TMEM178B: variants seen among roughly 807,000 people sequenced by gnomAD.
The protein encoded by TMEM178B is transmembrane protein 178B.
In TMEM178B, 5 loss-of-function variants were observed where a neutral mutation model predicts 31.0. The ratio of observed to expected loss-of-function variants is 0.16; its 90% CI spans 0.08 to 0.34. The LOEUF is 0.34. Ranked by LOEUF, TMEM178B falls within the 10% of genes least tolerant of loss-of-function variation. The pLI is 1.00. For synonymous variants in TMEM178B, 164 were observed against 164.0 expected, an observed-to-expected ratio of 1.00 and a Z score of 0.00; for missense variants, 275 against 400.3, an observed-to-expected ratio of 0.69 and a Z score of 2.67.
chr7:141,231,932 T>C (rs568559585), intron 2 of TMEM178B, among the ~76,000 whole-genome samples: 1 of 152,314 alleles, frequency 6.6e-6, no homozygotes, highest in South Asian at 2.1e-4. Context: ...ATCTATTAGC[T>C]ATTCTTCCTG....
At chr7:141,353,576 C>T (rs1227773350) in intron 2 of TMEM178B, among the ~76,000 whole-genome samples, 4 of 152,212 alleles carry the variant, frequency 2.6e-5, no homozygotes, top group Non-Finnish European at 1.5e-5. Flanking sequence ...TACTTAGAAG[C>T]TGTATATGAT....
intron 2 of TMEM178B, among the ~76,000 whole-genome samples, chr7:141,387,551 C>A (rs944020708): frequency 3.3e-5 from 5 of 152,178 alleles, no homozygotes. Context: ...ACAAATCCCC[C>A]CTCATTCCTG....
chr7:141,222,643 A>G (rs1354763334), intron 2 of TMEM178B, among the ~76,000 whole-genome samples: 1 of 152,064 alleles, frequency 6.6e-6, no homozygotes, highest in Non-Finnish European at 1.5e-5. Context: ...CTGAAATGAC[A>G]TTTCATCAAC....
intron 2 of TMEM178B, among the ~76,000 whole-genome samples, chr7:141,402,469 T>C (rs1224136281): frequency 6.6e-6 from 1 of 152,214 alleles, no homozygotes; most frequent in Non-Finnish European, 1.5e-5. Flanking sequence ...TGCATCTTGG[T>C]AGAGCTCAAG....
At chr7:141,109,136 A>C (rs1795194414) in intron 1 of TMEM178B, among the ~76,000 whole-genome samples, 2 of 152,208 alleles carry the variant, frequency 1.3e-5, no homozygotes, top group Admixed American at 6.5e-5. Flanking sequence ...ATGGGAGTAC[A>C]ACTCAAGATG....
At chr7:141,350,384 C>G (rs1227986481) in intron 2 of TMEM178B, among the ~76,000 whole-genome samples, 3 of 152,106 alleles carry the variant, frequency 2.0e-5, no homozygotes, top group Non-Finnish European at 4.4e-5. Context: ...TATCTTCCCC[C>G]ACTAGAATGT....
At position 141,338,493 on chromosome 7, in the gene TMEM178B, G is replaced by A. The variant is rs139133552; in HGVS notation, c.497-99115G>A. The stretch of plus-strand genomic sequence containing the variant: ...GAATGAAAACGCCTGGAACCCTAGA[G>A]TGCCTGCCCTCTATTTGATATTGGA... On this transcript the variant is annotated intron_variant, in intron 2 of 3. Transcript: ENST00000565468. 3.9e-5 allele frequency among the ~76,000 whole-genome samples: 6 copies of A among 152,282 alleles called. No homozygotes were observed. In the East Asian group the frequency reaches 1.2e-3, roughly 29 times the overall value.
chr7:141,235,153 G>A (rs1004801304), intron 2 of TMEM178B, among the ~76,000 whole-genome samples: 1 of 152,168 alleles, frequency 6.6e-6, no homozygotes, highest in Non-Finnish European at 1.5e-5. Flanking sequence ...ATCTTCATTT[G>A]TGACTGATTT....
chr7:141,076,226 C>CCTCTTGTTT (rs1794598651), intron 1 of TMEM178B, among the ~76,000 whole-genome samples: 1 of 152,172 alleles, frequency 6.6e-6, no homozygotes, highest in South Asian at 2.1e-4. Flanking sequence ...GGCAGGAAAA[C>CCTCTTGTTT]AAGAGGGCCT....
intron 3 of TMEM178B, among the ~76,000 whole-genome samples, chr7:141,447,905 G>A (rs796766309): frequency 2.6e-5 from 4 of 152,234 alleles, no homozygotes; most frequent in African/African-American, 9.6e-5. Context: ...GTGGGCGACT[G>A]CATAGATCAC....
chr7:141,493,529 T>G, the TMEM178B span, among the ~76,000 whole-genome samples: 1 of 151,980 alleles, frequency 6.6e-6, no homozygotes, highest in African/African-American at 2.4e-5. Context: ...GGAGCCCACC[T>G]GCGGCTGCAG....
intron 1 of TMEM178B, among the ~76,000 whole-genome samples, chr7:141,173,473 G>A (rs1219818367): frequency 6.6e-6 from 1 of 152,174 alleles, no homozygotes; most frequent in Non-Finnish European, 1.5e-5. Context: ...TGAGGCGGGA[G>A]TATTTGAGTC....
Position 141,074,280 on chromosome 7 carries a change from C to A in TMEM178B, c.-31C>A. On this transcript the variant is annotated 5_prime_UTR_variant, in exon 1 of 4. Transcript: ENST00000565468. The surrounding 1 kb of genome is among the most constrained non-coding windows in gnomAD (Gnocchi z 5.1). ...GAGGGAAGGCGAGGCTGCGGCGGAT[C>A]ATGCCCATGGTGTAGCCGCCAAGCG... is the stretch of plus-strand genomic sequence containing the variant. 1 of 1,479,572 alleles carries A rather than the reference C, an allele frequency of 6.8e-7. No individual in the cohort carries two copies. The highest frequency in any genetic ancestry group is 1.3e-5 in the South Asian group (1 of 76,340). 91.7% of individuals were successfully genotyped at this position (1,479,572 alleles called of 1,614,324 possible). A position where few individuals can be genotyped will look rare whatever the true frequency, so the allele number is the denominator to read the frequency against.
intron 3 of TMEM178B, among the ~76,000 whole-genome samples, chr7:141,464,428 G>A (rs1054232819): frequency 1.3e-5 from 2 of 152,122 alleles, no homozygotes; most frequent in Non-Finnish European, 2.9e-5. Context: ...ATTCAGGGCT[G>A]ATAACAAACT....
intron 2 of TMEM178B, among the ~76,000 whole-genome samples, chr7:141,274,490 AC>A (rs1798235085): frequency 6.6e-6 from 1 of 152,132 alleles, no homozygotes. Context: ...TTGATTGTAT[AC>A]CTGGGCCTGG....
At chr7:141,125,446 G>C (rs1795475804) in intron 1 of TMEM178B, among the ~76,000 whole-genome samples, 1 of 152,102 alleles carries the variant, frequency 6.6e-6, no homozygotes, top group African/African-American at 2.4e-5. Flanking sequence ...ACTTTGGGAG[G>C]CCGAGGAGGG....
chr7:141,280,654 A>G (rs967321341), intron 2 of TMEM178B, among the ~76,000 whole-genome samples: 7 of 152,210 alleles, frequency 4.6e-5, no homozygotes, highest in African/African-American at 1.7e-4. Flanking sequence ...CTAATACAGC[A>G]CCACTAACAA....
chr7:141,481,790 G>T (rs1802481085), downstream of TMEM178B, among the ~76,000 whole-genome samples: 3 of 152,116 alleles, frequency 2.0e-5, no homozygotes, highest in Admixed American at 2.0e-4. Context: ...AAGAGAGAAA[G>T]AATGGAAATA....
At chr7:141,298,272 G>A (rs2190110) in intron 2 of TMEM178B, among the ~76,000 whole-genome samples, 42,911 of 152,004 alleles carry the variant, frequency 0.28, 7,611 homozygotes, top group East Asian at 0.52. Context: ...TTGTCAGATG[G>A]GTAGATTGCA....
Sources: allele counts gnomAD v4.1 joint callset (sites outside exome capture counted in the v4.1 genomes callset), GRCh38; gene constraint gnomAD v4.1.1; non-coding constraint Gnocchi (gnomAD v3.1); transcripts MANE v1.5; gene names NCBI Gene and HGNC (gene_info 2026-07-23, HGNC 2026-07-21).